NOL4: variants seen among roughly 807,000 people sequenced by gnomAD.
NOL4 encodes the protein nucleolar protein 4, also known as cancer/testis antigen 125.
Under a neutral mutation model 75.9 loss-of-function variants are expected in NOL4, and 17 were observed. The observed-to-expected ratio is 0.22, with a 90% confidence interval of 0.15 to 0.34. NOL4 has a LOEUF of 0.34. Ranked by LOEUF, NOL4 falls within the 10% of genes least tolerant of loss-of-function variation. The pLI, the probability that NOL4 is intolerant of heterozygous loss-of-function variation, is 1.00. For synonymous variants in NOL4, 292 were observed against 289.9 expected (o/e 1.01, Z -0.07); for missense variants, 614 against 793.5 (o/e 0.77, Z 2.72).
intron 1 of NOL4, among the ~76,000 whole-genome samples, chr18:34,186,290 A>AAAC (rs906676857): frequency 3.9e-5 from 6 of 152,102 alleles, no homozygotes; most frequent in East Asian, 1.9e-4. Flanking sequence ...ACAAACAAAC[A>AAAC]AACAACAACA....
chr18:34,194,457 A>AAGGAAGGAAGGAAGGAAGGC (rs1301161192), intron 1 of NOL4, among the ~76,000 whole-genome samples: 43 of 146,310 alleles, frequency 2.9e-4, no homozygotes, highest in African/African-American at 9.4e-4. Flanking sequence ...GGAAGGAAGG[A>AAGGAAGGAAGGAAGGAAGGC]AGGCAGGCAG....
intron 6 of NOL4, among the ~76,000 whole-genome samples, chr18:34,004,153 C>T (rs2073899553): frequency 6.6e-6 from 1 of 152,028 alleles, no homozygotes; most frequent in Non-Finnish European, 1.5e-5. Context: ...TTTGAATCCA[C>T]CTATGACCAG....
chr18:33,855,893 G>C (rs957392227), intron 10 of NOL4, among the ~76,000 whole-genome samples: 1 of 151,510 alleles, frequency 6.6e-6, no homozygotes, highest in African/African-American at 2.4e-5. Flanking sequence ...GTGCATTTTT[G>C]GTTGTTGTTT....
intron 5 of NOL4, among the ~76,000 whole-genome samples, chr18:34,029,105 C>T (rs1447346600): frequency 1.3e-5 from 2 of 152,122 alleles, no homozygotes; most frequent in African/African-American, 4.8e-5. Context: ...GTAGGGTCTA[C>T]CTCACACAGT....
intron 9 of NOL4, among the ~76,000 whole-genome samples, chr18:33,914,878 T>G (rs1599852636): frequency 6.6e-6 from 1 of 152,108 alleles, no homozygotes. Context: ...GTTGGATATA[T>G]GGATCTGGAG....
At chr18:34,094,025 G>T (rs1166081691) in intron 4 of NOL4, among the ~76,000 whole-genome samples, 1 of 152,060 alleles carries the variant, frequency 6.6e-6, no homozygotes, top group African/African-American at 2.4e-5. Flanking sequence ...CTGGGCAACA[G>T]AGCGAGACTC....
chr18:34,192,467 A>G (rs1258356604), intron 1 of NOL4, among the ~76,000 whole-genome samples: 1 of 152,188 alleles, frequency 6.6e-6, no homozygotes, highest in Non-Finnish European at 1.5e-5. Flanking sequence ...ATACACTACA[A>G]AGCTGTAGTA....
At chr18:34,201,713 T>C (rs1047895318) in intron 1 of NOL4, among the ~76,000 whole-genome samples, 1 of 151,850 alleles carries the variant, frequency 6.6e-6, no homozygotes, top group African/African-American at 2.4e-5. Flanking sequence ...ACATGATAGT[T>C]CTCAGTTCCA....
chr18:34,136,044 A>C (rs2145947518), intron 1 of NOL4, among the ~76,000 whole-genome samples: 2 of 152,312 alleles, frequency 1.3e-5, no homozygotes, highest in South Asian at 4.1e-4. Context: ...AATGAAATGA[A>C]TTAATTTAAT....
rs966727932 is a variant in NOL4, at chr18:34,193,617, A to G, written c.264+29373T>C. Among the ~76,000 whole-genome samples, 7 of 150,428 alleles carry G rather than the reference A, an allele frequency of 4.7e-5. No homozygotes were observed. In the Admixed American group the frequency reaches 4.7e-4, roughly 10 times the overall value. On this transcript the variant is annotated intron_variant, in intron 1 of 10. Coordinates refer to ENST00000261592, the MANE Select transcript of NOL4 (RefSeq NM_003787.5). ...TTGAGAAGATGTGGAGGAAAAAAAA[A>G]CCTTTGCACACTGTTGATAGGAATG... is the stretch of plus-strand genomic sequence containing the variant.
chr18:34,187,370 CT>C lies in NOL4; in HGVS notation c.264+35619del, dbSNP rs545524361. Among the ~76,000 whole-genome samples, 666 of 78,344 alleles carry C rather than the reference CT, an allele frequency of 8.5e-3. 1 individual carries two copies. The highest frequency in any genetic ancestry group is 0.036 in the African/African-American group (580 of 16,166). 51.4% of individuals were successfully genotyped at this position (78,344 alleles called of 152,430 possible). On this transcript the variant is annotated intron_variant, in intron 1 of 10. Transcript: ENST00000261592. ...CTTTTCATGGTTTAATAGTCCACTT[CT>C]TTTTTTTTTTTTTTTTTTTTTTTTG...
intron 5 of NOL4, among the ~76,000 whole-genome samples, chr18:34,061,727 A>G (rs1260807892): frequency 1.3e-5 from 2 of 152,152 alleles, no homozygotes. Context: ...ACAATAAAAT[A>G]TAGTCAGTTT....
At chr18:33,992,346 C>G (rs2072980227) in intron 6 of NOL4, among the ~76,000 whole-genome samples, 1 of 151,912 alleles carries the variant, frequency 6.6e-6, no homozygotes, top group African/African-American at 2.4e-5. Context: ...CAAGAGTTAA[C>G]AGGCCAGATC....
chr18:34,009,104 T>C (rs1017261569), intron 6 of NOL4, among the ~76,000 whole-genome samples: 1 of 148,314 alleles, frequency 6.7e-6, no homozygotes, highest in Non-Finnish European at 1.5e-5. Flanking sequence ...TCAGGAGAGG[T>C]GGTATGAAGG....
rs1243215828 is a variant in NOL4 at position 34,084,187 on chromosome 18, C to T, written c.772+9278G>A. On this transcript the variant is annotated intron_variant, in intron 5 of 10. Coordinates refer to ENST00000261592, the MANE Select transcript of NOL4 (RefSeq NM_003787.5). ...CACTTAAATAGGCAGTCTGGCTGCCCCTTGGTGGAGCGGGTGTGCTGGGCT... is the reference window on the plus strand; with the variant it reads ...CACTTAAATAGGCAGTCTGGCTGCCTCTTGGTGGAGCGGGTGTGCTGGGCT... Among the ~76,000 whole-genome samples, 4 of 152,118 alleles carry T rather than the reference C, an allele frequency of 2.6e-5. No homozygotes were observed. The East Asian group carries it at 7.7e-4, about 29-fold the overall frequency.
intron 10 of NOL4, among the ~76,000 whole-genome samples, chr18:33,862,802 A>AAC (rs1203914456): frequency 6.6e-6 from 1 of 152,192 alleles, no homozygotes; most frequent in African/African-American, 2.4e-5. Flanking sequence ...GAGAAATAGG[A>AAC]ACACTTTTAC....
intron 2 of NOL4, among the ~76,000 whole-genome samples, chr18:34,112,649 A>G (rs1378213846): frequency 2.0e-5 from 3 of 152,162 alleles, no homozygotes; most frequent in Non-Finnish European, 4.4e-5. Flanking sequence ...AAATTGAAAA[A>G]GTCAAACTCA....
At chr18:33,994,410 C>T (rs777629325) in intron 6 of NOL4, among the ~76,000 whole-genome samples, 2 of 151,932 alleles carry the variant, frequency 1.3e-5, no homozygotes, top group Non-Finnish European at 2.9e-5. Flanking sequence ...TATTCTAGGA[C>T]ATAAAGCCAA....
chr18:33,990,410 T>G (rs2146100998), intron 6 of NOL4, among the ~76,000 whole-genome samples: 1 of 152,134 alleles, frequency 6.6e-6, no homozygotes, highest in African/African-American at 2.4e-5. Flanking sequence ...GACACATCTC[T>G]TTGTCCCCTT....
Sources: allele counts gnomAD v4.1 joint callset (sites outside exome capture counted in the v4.1 genomes callset), GRCh38; gene constraint gnomAD v4.1.1; transcripts MANE v1.5; gene names NCBI Gene and HGNC (gene_info 2026-07-23, HGNC 2026-07-21).